CLSTN2: variants seen among roughly 807,000 people sequenced by gnomAD.
The protein encoded by CLSTN2 is calsyntenin 2.
CLSTN2 carries 48 observed loss-of-function variants against 101.2 expected under a neutral mutation model. That is an observed-to-expected ratio of 0.47 (90% CI 0.38 to 0.60). The LOEUF is 0.60. CLSTN2 is among the 20% of genes least tolerant of loss of function. The probability of loss-of-function intolerance (pLI) is 0.00; values close to 1 mark genes in which losing one functional copy is unlikely to be tolerated. For synonymous variants in CLSTN2, 481 were observed against 463.6 expected, an observed-to-expected ratio of 1.04 and a Z score of -0.48; for missense variants, 1,160 against 1,238.2, an observed-to-expected ratio of 0.94 and a Z score of 0.95.
At chr3:140,104,472 C>G (rs1160119813) in intron 1 of CLSTN2, among the ~76,000 whole-genome samples, 12 of 152,182 alleles carry the variant, frequency 7.9e-5, no homozygotes, top group Non-Finnish European at 1.8e-4. Context: ...TTGTTCCTCA[C>G]CCTAATGCCA....
Position 140,283,525 on chromosome 3 carries a change from T to C in CLSTN2, c.232+107452T>C, listed in dbSNP as rs377031016. ...TTATGGAGGGGGAATATGGACTTCA[T>C]GAGGGGTTAGGGGATGGGCACGAGG... On this transcript the variant is annotated intron_variant, in intron 2 of 16. Coordinates refer to ENST00000458420, the MANE Select transcript of CLSTN2 (RefSeq NM_022131.3). Among the ~76,000 whole-genome samples the C allele has an allele frequency of 8.7e-4, 132 of 152,228 alleles. 1 individual carries two copies. Among genetic ancestry groups the C allele is most frequent in the African/African-American group, 2.9e-3 (122 of 41,552 alleles).
chr3:140,116,806 A>C (rs2107797281), intron 1 of CLSTN2, among the ~76,000 whole-genome samples: 1 of 152,282 alleles, frequency 6.6e-6, no homozygotes, highest in East Asian at 1.9e-4. Context: ...GCTTGTGCTG[A>C]GACAGCCCTC....
Position 140,443,241 on chromosome 3 carries a change from C to T in CLSTN2, c.788-5278C>T, listed in dbSNP as rs532443162. ...GTGCGTGCACATTTAAGGAAGGAAG[C>T]GTGTGTTTGCCACACCTACCTCTTT... is the stretch of plus-strand genomic sequence containing the variant. On this transcript the variant is annotated intron_variant, in intron 5 of 16. Transcript: ENST00000458420. Among the ~76,000 whole-genome samples, 4 of 152,220 alleles carry T rather than the reference C, an allele frequency of 2.6e-5. No homozygotes were observed. The South Asian group carries it at 6.2e-4, about 24-fold the overall frequency.
At chr3:140,500,309 A>G (rs1413621592) in intron 8 of CLSTN2, among the ~76,000 whole-genome samples, 1 of 152,214 alleles carries the variant, frequency 6.6e-6, no homozygotes, top group Non-Finnish European at 1.5e-5. Flanking sequence ...AAGATCCAGA[A>G]AATATCTGGG....
rs1273267262 is a variant in CLSTN2 at position 140,564,246 on chromosome 3, G to A, written c.2667+101G>A. ...AAGCAGCCCCATACCCCCTCCTTCT[G>A]GAAGCCCTGCCCCATCTAGTCCAGC... On this transcript the variant is annotated intron_variant, in intron 16 of 16. Coordinates refer to ENST00000458420, the MANE Select transcript of CLSTN2 (RefSeq NM_022131.3). 1.6e-5 allele frequency: 17 copies of A among 1,061,732 alleles called. No individual in the cohort carries two copies. In the Admixed American group the frequency reaches 3.0e-4, roughly 18 times the overall value. 65.8% of individuals were successfully genotyped at this position (1,061,732 alleles called of 1,614,324 possible).
chr3:140,532,506 T>A lies in CLSTN2; in HGVS notation c.1507+20T>A. ...GGCAAGGTAATCCTAAGTGAAACCC[T>A]TTTCTCTGACCTGTTTGTGAATAGT... is the stretch of plus-strand genomic sequence containing the variant. On this transcript the variant is annotated intron_variant, in intron 9 of 16. Transcript: ENST00000458420. 1 of 1,602,168 alleles carries A rather than the reference T, an allele frequency of 6.2e-7. No homozygotes were observed. Among genetic ancestry groups the A allele is most frequent in the Non-Finnish European group, 8.5e-7 (1 of 1,172,542 alleles).
At chr3:140,563,434 G>A (rs1176954387) in intron 15 of CLSTN2, among the ~76,000 whole-genome samples, 1 of 152,162 alleles carries the variant, frequency 6.6e-6, no homozygotes, top group African/African-American at 2.4e-5. Flanking sequence ...TCAGTACAAA[G>A]GGCTGGGACA....
At chr3:140,291,911 C>T (rs1335941825) in intron 2 of CLSTN2, among the ~76,000 whole-genome samples, 1 of 151,944 alleles carries the variant, frequency 6.6e-6, no homozygotes, top group Non-Finnish European at 1.5e-5. Context: ...ACTGGTGTGT[C>T]CTCTCCATCT....
At chr3:140,497,615 C>G (rs1934494874) in intron 8 of CLSTN2, among the ~76,000 whole-genome samples, 1 of 152,172 alleles carries the variant, frequency 6.6e-6, no homozygotes, top group African/African-American at 2.4e-5. Context: ...TTGTGAGGTG[C>G]CATGGAAGTG....
At chr3:140,259,333 G>A (rs937137569) in intron 2 of CLSTN2, among the ~76,000 whole-genome samples, 1 of 151,974 alleles carries the variant, frequency 6.6e-6, no homozygotes, top group Non-Finnish European at 1.5e-5. Flanking sequence ...AATTAGCCAG[G>A]TGTGGTGGCA....
intron 2 of CLSTN2, among the ~76,000 whole-genome samples, chr3:140,353,246 T>TATATATATATATGTATGTTTACAC (rs2087631495): frequency 2.2e-5 from 1 of 45,520 alleles, no homozygotes; most frequent in Non-Finnish European, 6.6e-5. Flanking sequence ...TTTACACATA[T>TATATATATATATGTATGTTTACAC]ATATATATAT....
chr3:140,216,279 G>A (rs1282653027), intron 2 of CLSTN2, among the ~76,000 whole-genome samples: 2 of 151,938 alleles, frequency 1.3e-5, no homozygotes, highest in African/African-American at 2.4e-5. Context: ...AAACATTGGC[G>A]ACCACGAATT....
chr3:140,321,957 C>T (rs1360875160), intron 2 of CLSTN2, among the ~76,000 whole-genome samples: 1 of 152,326 alleles, frequency 6.6e-6, no homozygotes, highest in South Asian at 2.1e-4. Context: ...GCATCCTCAG[C>T]TGGTGTTTGG....
chr3:140,221,849 A>G (rs888267527), intron 2 of CLSTN2, among the ~76,000 whole-genome samples: 2 of 152,198 alleles, frequency 1.3e-5, no homozygotes, highest in African/African-American at 4.8e-5. Flanking sequence ...AGAAAAGGGA[A>G]TCCTTATACA....
chr3:140,483,600 G>A (rs1340094782), intron 8 of CLSTN2, among the ~76,000 whole-genome samples: 1 of 152,082 alleles, frequency 6.6e-6, no homozygotes, highest in Non-Finnish European at 1.5e-5. Flanking sequence ...AGGTCTCTAA[G>A]GACTTGCTTT....
chr3:140,234,399 A>G (rs1488665025), intron 2 of CLSTN2, among the ~76,000 whole-genome samples: 7 of 151,930 alleles, frequency 4.6e-5, no homozygotes, highest in African/African-American at 7.3e-5. Context: ...CTGCTTACCA[A>G]TGGTGTGAAC....
chr3:140,424,938 C>A (rs1026340196), intron 5 of CLSTN2, among the ~76,000 whole-genome samples: 1 of 152,112 alleles, frequency 6.6e-6, no homozygotes, highest in Non-Finnish European at 1.5e-5. Context: ...TGAGCCTCAA[C>A]CCCCTCAGAT....
chr3:140,185,878 G>A (rs1294725813), intron 2 of CLSTN2, among the ~76,000 whole-genome samples: 1 of 152,126 alleles, frequency 6.6e-6, no homozygotes, highest in Non-Finnish European at 1.5e-5. Flanking sequence ...GTTGCTGAGT[G>A]GTCCTGGTTG....
intron 1 of CLSTN2, among the ~76,000 whole-genome samples, chr3:140,082,956 C>A (rs570565560): frequency 1.3e-5 from 2 of 152,312 alleles, no homozygotes; most frequent in East Asian, 3.9e-4. Flanking sequence ...CAGCCATGGA[C>A]AGCACCATCA....
Sources: allele counts gnomAD v4.1 joint callset (sites outside exome capture counted in the v4.1 genomes callset), GRCh38; gene constraint gnomAD v4.1.1; transcripts MANE v1.5; gene names NCBI Gene and HGNC (gene_info 2026-07-23, HGNC 2026-07-21).